The following SPAG16 variants were observed in gnomAD, a reference collection of about 807,000 sequenced individuals.
SPAG16 encodes the protein sperm associated antigen 16.
Under a neutral mutation model 80.4 loss-of-function variants are expected in SPAG16, and 86 were observed. The observed-to-expected ratio is 1.07, with a 90% CI of 0.90 to 1.28. SPAG16 has a LOEUF of 1.28. Among genes scored for constraint, SPAG16 ranks in the 50% most tolerant of loss-of-function variants. The probability of loss-of-function intolerance (pLI) is 0.00; values close to 1 mark genes in which losing one functional copy is unlikely to be tolerated. For missense variants in SPAG16, 870 were observed against 765.3 expected, an observed-to-expected ratio of 1.14 and a Z score of -1.61; for synonymous variants, 294 against 265.9, an observed-to-expected ratio of 1.11 and a Z score of -1.03.
intron 10 of SPAG16, among the ~76,000 whole-genome samples, chr2:213,714,580 A>G (rs1373316514): frequency 2.0e-5 from 3 of 152,192 alleles, no homozygotes; most frequent in Admixed American, 2.0e-4. Context: ...CTTTGACTTT[A>G]AAGTCAGCCA....
intron 10 of SPAG16, among the ~76,000 whole-genome samples, chr2:213,694,042 C>CAAAAAAAAAAAAAAAAAA (rs68152101): frequency 8.2e-6 from 1 of 121,358 alleles, no homozygotes; most frequent in African/African-American, 3.2e-5. Context: ...TTATGCAAGA[C>CAAAAAAAAAAAAAAAAAA]AAAAAAAAAA....
At chr2:214,313,498 C>T (rs1252266847) in intron 15 of SPAG16, among the ~76,000 whole-genome samples, 2 of 152,092 alleles carry the variant, frequency 1.3e-5, no homozygotes, top group African/African-American at 2.4e-5. Context: ...AGGACATAAA[C>T]ATGCAAACAT....
At chr2:214,076,059 T>A (rs2051058050) in intron 13 of SPAG16, among the ~76,000 whole-genome samples, 1 of 152,186 alleles carries the variant, frequency 6.6e-6, no homozygotes, top group Admixed American at 6.5e-5. Flanking sequence ...TTTAAATGTA[T>A]ATTTGACATA....
rs1481834401 is a variant in SPAG16, at chr2:214,410,317, C to T, written c.*2C>T. ...GGCACAGTTCGAACGTGGTCTTGAC[C>T]GTCAGCACATCCCGCTGCAGAGGGC... On this transcript the variant is annotated 3_prime_UTR_variant, in exon 16 of 16. Transcript: ENST00000331683. The T allele has an allele frequency of 6.9e-6, 11 of 1,588,916 alleles. No homozygotes were observed. The Admixed American group carries it at 1.2e-4, about 17-fold the overall frequency.
At chr2:214,215,979 G>T (rs1444434656) in intron 15 of SPAG16, among the ~76,000 whole-genome samples, 1 of 152,162 alleles carries the variant, frequency 6.6e-6, no homozygotes, top group Admixed American at 6.5e-5. Flanking sequence ...AGGCCTGATA[G>T]ATACCCATTG....
intron 15 of SPAG16, among the ~76,000 whole-genome samples, chr2:214,356,726 C>A (rs559041813): frequency 1.3e-5 from 2 of 152,010 alleles, no homozygotes; most frequent in South Asian, 4.1e-4. Context: ...ATTTATCTCA[C>A]GCCACAGTTT....
intron 10 of SPAG16, among the ~76,000 whole-genome samples, chr2:213,702,728 T>C (rs1218205520): frequency 6.6e-6 from 1 of 151,802 alleles, no homozygotes; most frequent in African/African-American, 2.4e-5. Flanking sequence ...TACAAGGGAG[T>C]GTAATTTGAC....
chr2:214,241,404 A>G (rs981419560), intron 15 of SPAG16: 1 of 151,670 alleles, frequency 6.6e-6, no homozygotes, highest in Non-Finnish European at 1.5e-5. Flanking sequence ...GTCTCTTCTA[A>G]CCTTTACCTT....
At chr2:213,959,050 T>G (rs1055503150) in intron 12 of SPAG16, among the ~76,000 whole-genome samples, 1 of 152,214 alleles carries the variant, frequency 6.6e-6, no homozygotes, top group Non-Finnish European at 1.5e-5. Context: ...ACGGTTTTTG[T>G]TTTTCCTTTT....
intron 10 of SPAG16, among the ~76,000 whole-genome samples, chr2:213,806,236 G>C (rs2125653435): frequency 6.6e-6 from 1 of 152,286 alleles, no homozygotes; most frequent in East Asian, 1.9e-4. Context: ...TGCAATGTGG[G>C]AGATTATTTT....
chr2:213,293,446 T>A (rs2062377810), intron 1 of SPAG16, among the ~76,000 whole-genome samples: 1 of 152,220 alleles, frequency 6.6e-6, no homozygotes, highest in African/African-American at 2.4e-5. Context: ...TGACTTCTGA[T>A]GTTTGGTTAG....
In SPAG16 at chr2:213,868,249, A is replaced by AT. The variant is rs72309764; in HGVS notation, c.1214+5631dup. Among the ~76,000 whole-genome samples the AT allele has an allele frequency of 0.011, 1,653 of 151,470 alleles. 120 individuals carry two copies. The East Asian group carries it at 0.21, about 19-fold the overall frequency. On this transcript the variant is annotated intron_variant, in intron 11 of 15. Coordinates refer to ENST00000331683, the MANE Select transcript of SPAG16 (RefSeq NM_024532.5). Reference sequence around the variant, plus strand: ...CCTATTTTTTTTTATAAAAATGAGAATTTTTTTTTTATTTTAGATTTTAGA... The same window carrying AT: ...CCTATTTTTTTTTATAAAAATGAGAATTTTTTTTTTTATTTTAGATTTTAGA...
At chr2:213,841,594 G>T (rs531495348) in intron 10 of SPAG16, among the ~76,000 whole-genome samples, 32 of 152,014 alleles carry the variant, frequency 2.1e-4, no homozygotes, top group Admixed American at 1.8e-3. Context: ...GTATTTTAAA[G>T]GTTTCATTAT....
At chr2:213,639,512 T>C (rs1268566024) in intron 10 of SPAG16, among the ~76,000 whole-genome samples, 2 of 152,186 alleles carry the variant, frequency 1.3e-5, no homozygotes, top group Non-Finnish European at 2.9e-5. Context: ...AACTTAGTTT[T>C]GCTGGCAAAA....
At chr2:214,100,206 T>C (rs1014596853) in intron 13 of SPAG16, among the ~76,000 whole-genome samples, 1 of 152,026 alleles carries the variant, frequency 6.6e-6, no homozygotes, top group East Asian at 1.9e-4. Flanking sequence ...TCTGCCATGA[T>C]TGTAAGTTTC....
chr2:213,317,562 A>G (rs993803873), intron 5 of SPAG16: 103 of 1,232,952 alleles, frequency 8.4e-5, no homozygotes, highest in Non-Finnish European at 1.0e-4. Flanking sequence ...ACAAGAAGGG[A>G]ATGCAGGTAG....
intron 11 of SPAG16, among the ~76,000 whole-genome samples, chr2:213,874,251 T>G (rs1225491188): frequency 1.3e-5 from 2 of 152,142 alleles, no homozygotes; most frequent in African/African-American, 4.8e-5. Context: ...TTAAAATCAT[T>G]TTTCTTCAAT....
chr2:213,712,386 G>T lies in SPAG16; in HGVS notation c.1071-150099G>T, dbSNP rs554055737. Among the ~76,000 whole-genome samples, 71 of 152,250 alleles carry T rather than the reference G, an allele frequency of 4.7e-4. 1 individual carries two copies. Among genetic ancestry groups the T allele is most frequent in the African/African-American group, 1.6e-3 (65 of 41,546 alleles). ...ATCATAGGTGACAGTGTACAAGAGT[G>T]TTAAAAAGAGACTTCTACCCATATA... On this transcript the variant is annotated intron_variant, in intron 10 of 15. Transcript: ENST00000331683.
chr2:213,945,058 A>C (rs2079382382), intron 12 of SPAG16, among the ~76,000 whole-genome samples: 1 of 151,858 alleles, frequency 6.6e-6, no homozygotes, highest in South Asian at 2.1e-4. Flanking sequence ...AAGACATGAG[A>C]GACTTTGCTT....
Sources: gnomAD v4.1 joint callset for allele counts (sites outside exome capture counted in the v4.1 genomes callset) on GRCh38, gnomAD v4.1.1 for gene constraint, MANE v1.5 for transcripts, NCBI Gene and HGNC (gene_info 2026-07-23, HGNC 2026-07-21) for gene names.